The following ZC4H2 variants were observed in gnomAD, a reference collection of about 807,000 sequenced individuals.
ZC4H2 encodes the protein zinc finger C4H2 domain-containing protein.
For missense variants in ZC4H2, 137 were observed against 173.9 expected (o/e 0.79, Z 1.19); for synonymous variants, 84 against 66.3 (o/e 1.27, Z -1.30).
intron 1 of ZC4H2, among the ~76,000 whole-genome samples, chrX:64,968,353 G>C (rs1639180076): frequency 9.0e-6 from 1 of 111,618 alleles, no homozygotes; most frequent in African/African-American, 3.3e-5. Context: ...ATCACAACAA[G>C]GAACTTTCAT....
At chrX:65,012,188 A>G (rs1329504177) in intron 1 of ZC4H2, among the ~76,000 whole-genome samples, 1 of 92,754 alleles carries the variant, frequency 1.1e-5, no homozygotes, top group Non-Finnish European at 2.1e-5. Flanking sequence ...AGATTGTGCC[A>G]CTGCACTCCA....
intron 1 of ZC4H2, among the ~76,000 whole-genome samples, chrX:65,018,311 C>T (rs1008044746): frequency 7.1e-5 from 8 of 112,496 alleles, no homozygotes; most frequent in African/African-American, 2.6e-4. Context: ...GTGATTTCTG[C>T]ATTTCCAACT....
chrX:65,002,881 C>A (rs1932572665), intron 1 of ZC4H2, among the ~76,000 whole-genome samples: 2 of 108,868 alleles, frequency 1.8e-5, no homozygotes, highest in Non-Finnish European at 3.8e-5. Context: ...AGAGTCATCA[C>A]CACTCCCTAA....
At chrX:64,954,468 T>C (rs1386235823) in intron 1 of ZC4H2, among the ~76,000 whole-genome samples, 10 of 97,198 alleles carry the variant, frequency 1.0e-4, no homozygotes, top group Non-Finnish European at 1.4e-4. Context: ...TAATCATTAT[T>C]ATGGTTATTA....
intron 1 of ZC4H2, among the ~76,000 whole-genome samples, chrX:64,994,269 A>G (rs1325271166): frequency 9.0e-6 from 1 of 111,572 alleles, no homozygotes; most frequent in East Asian, 2.8e-4. Flanking sequence ...AAAGCGGCAG[A>G]AACAGAGTCA....
At chrX:64,920,383 C>T (rs183568319) in intron 2 of ZC4H2, 130 bp from the exon 3 acceptor site, 2 of 646,625 alleles carry the variant, frequency 3.1e-6, no homozygotes, top group Non-Finnish European at 4.5e-6. Flanking sequence ...ATCTCCCATG[C>T]CCTCTCCATG....
At chrX:64,954,418 TTGGATTTCAAA>T (rs1931069539) in intron 1 of ZC4H2, among the ~76,000 whole-genome samples, 1 of 86,119 alleles carries the variant, frequency 1.2e-5, no homozygotes, top group African/African-American at 5.6e-5. Context: ...AAAAATTGTA[TTGGATTTCAAA>T]ATTTCTAATA....
intron 1 of ZC4H2, among the ~76,000 whole-genome samples, chrX:64,930,464 T>C (rs763730860): frequency 9.0e-6 from 1 of 111,603 alleles, no homozygotes; most frequent in Non-Finnish European, 1.9e-5. Context: ...ACGGGGAATG[T>C]TTTCAATTTT....
chrX:64,929,319 C>T (rs754539881), intron 1 of ZC4H2, among the ~76,000 whole-genome samples: 1 of 111,722 alleles, frequency 9.0e-6, no homozygotes, highest in East Asian at 2.8e-4. Context: ...ACTCTATAGG[C>T]TGTCTGTTTA....
chrX:64,972,322 T>C (rs1298581502), intron 1 of ZC4H2, among the ~76,000 whole-genome samples: 2 of 111,091 alleles, frequency 1.8e-5, no homozygotes, highest in Non-Finnish European at 3.8e-5. Flanking sequence ...AATTCTGCCA[T>C]TGGTGTGAGT....
chrX:64,942,975 T>A (rs1335366010), intron 1 of ZC4H2, among the ~76,000 whole-genome samples: 2 of 112,227 alleles, frequency 1.8e-5, no homozygotes, highest in Non-Finnish European at 3.8e-5. Flanking sequence ...TTTCTCCACA[T>A]CCTCTACTGC....
At chrX:64,999,274 G>A (rs1932486775) in intron 1 of ZC4H2, among the ~76,000 whole-genome samples, 1 of 111,034 alleles carries the variant, frequency 9.0e-6, no homozygotes, top group Non-Finnish European at 1.9e-5. Flanking sequence ...GACACTGTGT[G>A]CAGCCCACCA....
intron 1 of ZC4H2, among the ~76,000 whole-genome samples, chrX:64,967,379 T>G (rs1285905825): frequency 1.8e-5 from 2 of 111,616 alleles, no homozygotes; most frequent in Non-Finnish European, 3.8e-5. Context: ...AATTCCCTCT[T>G]TACAAACTTC....
chrX:65,013,221 C>G (rs1440703555), intron 1 of ZC4H2, among the ~76,000 whole-genome samples: 1 of 111,930 alleles, frequency 8.9e-6, no homozygotes, highest in Non-Finnish European at 1.9e-5. Flanking sequence ...CCAGGGCAAT[C>G]AGGAAACAGT....
chrX:65,006,405 T>A (rs1057271359), intron 1 of ZC4H2, among the ~76,000 whole-genome samples: 1 of 111,097 alleles, frequency 9.0e-6, no homozygotes, highest in Non-Finnish European at 1.9e-5. Context: ...TCATGTCCTT[T>A]GTAGGGACAT....
intron 1 of ZC4H2, among the ~76,000 whole-genome samples, chrX:65,031,143 C>A (rs1161026951): frequency 9.0e-6 from 1 of 111,724 alleles, no homozygotes; most frequent in Non-Finnish European, 1.9e-5. Flanking sequence ...GAGATATAGA[C>A]CTTTTCCAAA....
chrX:64,991,916 A>C (rs1447342842), intron 1 of ZC4H2, among the ~76,000 whole-genome samples: 1 of 112,044 alleles, frequency 8.9e-6, no homozygotes, highest in Non-Finnish European at 1.9e-5. Context: ...TAAAAGTCAG[A>C]CACAAAGGAC....
chrX:65,030,490 C>T (rs748684315), intron 1 of ZC4H2, among the ~76,000 whole-genome samples: 1 of 111,975 alleles, frequency 8.9e-6, no homozygotes, highest in Non-Finnish European at 1.9e-5. Context: ...TATTTCCAAT[C>T]CTATATCCTC....
In ZC4H2 at chrX:64,921,829, A is replaced by C; in HGVS notation, c.213T>G (p.Ala71=). ...AHVEELRLIH[A]DINVMENTIK... is the part of the protein sequence containing the mutation. ...GGCAGCCACGTACCACATTGATGTC[A>C]GCGTGGATCAGTCGGAGTTCCTCCA... The change falls in exon 2 of 5, where the codon GCT becomes GCG. Residue 71 remains alanine (A), a synonymous_variant. Coordinates refer to ENST00000374839, the MANE Select transcript of ZC4H2 (RefSeq NM_018684.4). The C allele has an allele frequency of 8.3e-7, 1 of 1,210,339 alleles. No homozygotes were observed. The highest frequency in any genetic ancestry group is 1.1e-6 in the Non-Finnish European group (1 of 895,164).
Sources: gnomAD v4.1 joint callset for allele counts (sites outside exome capture counted in the v4.1 genomes callset) on GRCh38, gnomAD v4.1.1 for gene constraint, MANE v1.5 for transcripts, NCBI Gene and HGNC (gene_info 2026-07-23, HGNC 2026-07-21) for gene names.